The following KLHL25 variants were observed in gnomAD, a reference collection of about 807,000 sequenced individuals.
KLHL25 encodes the protein kelch-like protein 25.
In KLHL25, 41 loss-of-function variants were observed where a neutral mutation model predicts 30.0. The observed-to-expected ratio is 1.37, with a 90% CI of 1.07 to 1.78. KLHL25 has a LOEUF of 1.78. KLHL25 is among the 40% of genes most tolerant of loss of function. The pLI is 0.00. For missense variants in KLHL25, 971 were observed against 824.5 expected (o/e 1.18, Z -2.18); for synonymous variants, 399 against 355.3 (o/e 1.12, Z -1.38).
chr15:85,768,876 TG>T lies in KLHL25; in HGVS notation c.934del (p.Gln312ArgfsTer33). 3 of 1,613,330 alleles carry T rather than the reference TG, an allele frequency of 1.9e-6. No homozygotes were observed. The highest frequency in any genetic ancestry group is 2.5e-6 in the Non-Finnish European group (3 of 1,180,042). On this transcript the variant is annotated frameshift_variant, in exon 2 of 3. Coordinates refer to ENST00000337975, the MANE Select transcript of KLHL25 (RefSeq NM_022480.4). LOFTEE classifies it high-confidence loss of function. ...GQTFMCDKIY[Q>X]VDHKAKEIIP... The stretch of plus-strand genomic sequence containing the variant: ...GATCTCCTTGGCCTTGTGGTCCACC[TG>T]GTAGATCTTGTCACACATGAAGGTC...
At chr15:85,788,056 CAAAA>C (rs60547525) in intron 1 of KLHL25, among the ~76,000 whole-genome samples, 6 of 58,306 alleles carry the variant, frequency 1.0e-4, no homozygotes, top group South Asian at 8.7e-4. Context: ...AACTAGATCT[CAAAA>C]AAAAAAAAAA....
intron 2 of KLHL25, among the ~76,000 whole-genome samples, chr15:85,765,633 A>AG (rs2089616867): frequency 7.8e-6 from 1 of 127,914 alleles, no homozygotes; most frequent in African/African-American, 2.9e-5. Flanking sequence ...AAAAAAAAAA[A>AG]AAGAAGAAGA....
chr15:85,787,166 G>A (rs1183250368), intron 1 of KLHL25, among the ~76,000 whole-genome samples: 1 of 146,624 alleles, frequency 6.8e-6, no homozygotes, highest in Non-Finnish European at 1.5e-5. Context: ...AAATTTGGGG[G>A]CTGGGCGCAG....
intron 1 of KLHL25, among the ~76,000 whole-genome samples, chr15:85,793,193 G>A (rs1366682517): frequency 1.3e-5 from 2 of 151,884 alleles, no homozygotes; most frequent in East Asian, 1.9e-4. Context: ...AAGGGGCATC[G>A]GGCTGCAGAA....
At chr15:85,788,732 G>A (rs759834400) in intron 1 of KLHL25, among the ~76,000 whole-genome samples, 12 of 152,122 alleles carry the variant, frequency 7.9e-5, no homozygotes, top group African/African-American at 1.2e-4. Context: ...TCTAGTCCAC[G>A]GCGAGCCATT....
At chr15:85,782,179 C>G (rs1258176495) in intron 1 of KLHL25, among the ~76,000 whole-genome samples, 3 of 152,070 alleles carry the variant, frequency 2.0e-5, no homozygotes, top group Non-Finnish European at 2.9e-5. Flanking sequence ...TACATATGTA[C>G]GTTTATTTAT....
At chr15:85,766,561 A>G (rs1396743429) in intron 2 of KLHL25, among the ~76,000 whole-genome samples, 1 of 152,118 alleles carries the variant, frequency 6.6e-6, no homozygotes, top group Non-Finnish European at 1.5e-5. Flanking sequence ...TTCTCAGGAG[A>G]TTAAACCAGC....
chr15:85,775,889 A>G (rs1160721056), intron 1 of KLHL25, among the ~76,000 whole-genome samples: 13 of 117,506 alleles, frequency 1.1e-4, no homozygotes, highest in East Asian at 3.0e-4. Context: ...AAAAAAAAAA[A>G]GCGGCCAGGC....
chr15:85,773,699 T>G (rs188446161), intron 1 of KLHL25, among the ~76,000 whole-genome samples: 1 of 152,140 alleles, frequency 6.6e-6, no homozygotes, highest in Admixed American at 6.5e-5. Flanking sequence ...CACTGGAACT[T>G]TGAGGAACGA....
At chr15:85,761,359 G>A (rs183322203) in intron 2 of KLHL25, 2 of 152,388 alleles carry the variant, frequency 1.3e-5, no homozygotes, top group Non-Finnish European at 2.9e-5. Flanking sequence ...GGTGACCGGC[G>A]TGAGAGCCGT....
intron 1 of KLHL25, among the ~76,000 whole-genome samples, chr15:85,781,069 T>C (rs2089739839): frequency 6.6e-6 from 1 of 152,170 alleles, no homozygotes; most frequent in Non-Finnish European, 1.5e-5. Context: ...CAGTGGCTCA[T>C]GCTTGTAATC....
intron 1 of KLHL25, among the ~76,000 whole-genome samples, chr15:85,773,210 C>T (rs1432101739): frequency 2.0e-5 from 3 of 152,102 alleles, no homozygotes; most frequent in Admixed American, 6.5e-5. Flanking sequence ...GGACAGATCC[C>T]GGCACAGAGG....
At position 85,769,651 on chromosome 15, in the gene KLHL25, C is replaced by T. The variant is rs772067746; in HGVS notation, c.160G>A (p.Asp54Asn). The change falls in exon 2 of 3, where the codon GAC becomes AAC. Residue 54 changes from aspartate (D) to asparagine (N), a missense_variant. Physicochemically the swap from Asp to Asn is conservative, Grantham distance 23. Coordinates refer to ENST00000337975, the MANE Select transcript of KLHL25 (RefSeq NM_022480.4). ...MFTDVTLWAG[D>N]RAFPCHRAVL... ...GCACGGTGACAGGGGAAGGCACGGT[C>T]GCCCGCCCAGAGTGTGACGTCGGTG... The T allele has an allele frequency of 8.7e-6, 14 of 1,613,574 alleles. No individual in the cohort carries two copies. In the East Asian group the frequency reaches 2.0e-4, roughly 23 times the overall value.
chr15:85,784,053 A>G (rs930131390), intron 1 of KLHL25, among the ~76,000 whole-genome samples: 2 of 152,256 alleles, frequency 1.3e-5, no homozygotes, highest in African/African-American at 4.8e-5. Context: ...AGCTGCTGTT[A>G]TTAATCATAT....
chr15:85,766,492 A>T (rs1320764308), intron 2 of KLHL25, among the ~76,000 whole-genome samples: 1 of 152,210 alleles, frequency 6.6e-6, no homozygotes, highest in East Asian at 1.9e-4. Flanking sequence ...CTCTCGTGGC[A>T]GGACCTCATG....
At chr15:85,769,937 T>G (rs1170063981) in intron 1 of KLHL25, 117 bp from the exon 2 acceptor site, 2 of 853,754 alleles carry the variant, frequency 2.3e-6, no homozygotes, top group East Asian at 5.3e-5. Flanking sequence ...TGCTCACCTC[T>G]GCTAAACCAA....
intron 1 of KLHL25, among the ~76,000 whole-genome samples, chr15:85,787,365 G>A (rs570756932): frequency 6.6e-6 from 1 of 152,130 alleles, no homozygotes; most frequent in African/African-American, 2.4e-5. Flanking sequence ...AGAATCGCTT[G>A]AACCTGGGAG....
rs146742099 is a variant in KLHL25, at chr15:85,780,834, C to T, written c.-10-11014G>A. The stretch of plus-strand genomic sequence containing the variant: ...AATTGGGAAACATCTTACAAAATGA[C>T]AAATGCATGTGCCCTCTGCCCCAGC... On this transcript the variant is annotated intron_variant, in intron 1 of 2. Coordinates refer to ENST00000337975, the MANE Select transcript of KLHL25 (RefSeq NM_022480.4). 1.8e-3 allele frequency among the ~76,000 whole-genome samples: 270 copies of T among 152,332 alleles called. 2 individuals are homozygous for T. Among genetic ancestry groups the T allele is most frequent in the African/African-American group, 6.2e-3 (258 of 41,568 alleles).
chr15:85,781,006 G>A lies in KLHL25; in HGVS notation c.-10-11186C>T, dbSNP rs546680848. On this transcript the variant is annotated intron_variant, in intron 1 of 2. Transcript: ENST00000337975. ...CCTGGTGAGATAAACCTGGGTACAC[G>A]CACAGAGTGGAGTTCCACACAGCTA... Among the ~76,000 whole-genome samples the A allele has an allele frequency of 2.8e-4, 42 of 152,196 alleles. 1 individual carries two copies. The highest frequency in any genetic ancestry group is 1.9e-3 in the South Asian group (9 of 4,818).
Sources: gnomAD v4.1 joint callset for allele counts (sites outside exome capture counted in the v4.1 genomes callset) on GRCh38, gnomAD v4.1.1 for gene constraint, MANE v1.5 for transcripts, NCBI Gene and HGNC (gene_info 2026-07-23, HGNC 2026-07-21) for gene names.